The following WWOX variants were observed in gnomAD, a reference collection of about 807,000 sequenced individuals.
The protein encoded by WWOX is WW domain containing oxidoreductase, also known as WW domain-containing oxidoreductase.
A neutral mutation model predicts 46.2 loss-of-function variants in WWOX; 69 were observed. The ratio of observed to expected loss-of-function variants is 1.49; its 90% CI spans 1.23 to 1.82. WWOX has a LOEUF of 1.82. WWOX is among the 40% of genes most tolerant of loss of function. The probability of loss-of-function intolerance (pLI) is 0.00; values close to 1 mark genes in which losing one functional copy is unlikely to be tolerated. For missense variants in WWOX, 919 were observed against 542.6 expected, an observed-to-expected ratio of 1.69 and a Z score of -6.89; for synonymous variants, 359 against 202.6, an observed-to-expected ratio of 1.77 and a Z score of -6.56.
intron 8 of WWOX, among the ~76,000 whole-genome samples, chr16:78,557,595 C>T (rs1335080111): frequency 2.6e-5 from 4 of 151,920 alleles, no homozygotes; most frequent in African/African-American, 4.8e-5. Flanking sequence ...AGAGGATGAC[C>T]CTCTATCACA....
At chr16:79,058,234 T>C (rs1192918479) in intron 8 of WWOX, among the ~76,000 whole-genome samples, 1 of 152,068 alleles carries the variant, frequency 6.6e-6, no homozygotes, top group East Asian at 1.9e-4. Context: ...CCAAGATGTG[T>C]GATGGTGGGC....
chr16:79,075,579 G>A (rs567045870), intron 8 of WWOX, among the ~76,000 whole-genome samples: 35 of 150,378 alleles, frequency 2.3e-4, no homozygotes, highest in Non-Finnish European at 4.0e-4. Flanking sequence ...TTTAGACGGA[G>A]TCTTGCTCTG....
intron 8 of WWOX, among the ~76,000 whole-genome samples, chr16:78,509,312 C>G (rs1031696085): frequency 1.3e-5 from 2 of 152,122 alleles, no homozygotes; most frequent in African/African-American, 4.8e-5. Flanking sequence ...TGATGGCCAG[C>G]ACCTGTAGTC....
chr16:78,356,700 G>C (rs576618460), intron 5 of WWOX, among the ~76,000 whole-genome samples: 50 of 152,264 alleles, frequency 3.3e-4, no homozygotes, highest in African/African-American at 1.2e-3. Context: ...GGCCAGCATG[G>C]TGAAACCCCG....
At chr16:78,597,446 C>A (rs2045517850) in intron 8 of WWOX, among the ~76,000 whole-genome samples, 1 of 152,116 alleles carries the variant, frequency 6.6e-6, no homozygotes, top group African/African-American at 2.4e-5. Context: ...TTATGTTGCA[C>A]CATTTTCTGA....
At chr16:78,894,404 G>A (rs1361813193) in intron 8 of WWOX, among the ~76,000 whole-genome samples, 1 of 152,164 alleles carries the variant, frequency 6.6e-6, no homozygotes, top group Non-Finnish European at 1.5e-5. Flanking sequence ...GTAATGTTCA[G>A]TGATGCTTAA....
At chr16:78,816,918 G>A (rs2051345096) in intron 8 of WWOX, among the ~76,000 whole-genome samples, 1 of 152,128 alleles carries the variant, frequency 6.6e-6, no homozygotes, top group African/African-American at 2.4e-5. Flanking sequence ...AGATTCCATT[G>A]CAAGTCCCAG....
intron 8 of WWOX, among the ~76,000 whole-genome samples, chr16:78,616,710 G>T (rs1342921717): frequency 6.6e-6 from 1 of 152,036 alleles, no homozygotes; most frequent in Admixed American, 6.5e-5. Flanking sequence ...TGGTTGCAGT[G>T]AGCTGAGATG....
At chr16:79,172,535 T>C (rs1023727018) in intron 8 of WWOX, among the ~76,000 whole-genome samples, 1 of 152,142 alleles carries the variant, frequency 6.6e-6, no homozygotes, top group African/African-American at 2.4e-5. Flanking sequence ...ACTGAGTGGC[T>C]GCATGAATTG....
intron 8 of WWOX, among the ~76,000 whole-genome samples, chr16:78,435,825 G>A (rs1270368172): frequency 6.6e-6 from 1 of 152,126 alleles, no homozygotes; most frequent in Non-Finnish European, 1.5e-5. Context: ...TCATTACGAT[G>A]AAAATTGTGA....
At chr16:78,798,293 T>G (rs1290628937) in intron 8 of WWOX, among the ~76,000 whole-genome samples, 2 of 152,100 alleles carry the variant, frequency 1.3e-5, no homozygotes, top group African/African-American at 4.8e-5. Flanking sequence ...CAGGCTCAGA[T>G]TGACGCTTTT....
intron 8 of WWOX, among the ~76,000 whole-genome samples, chr16:78,587,142 C>A (rs1274649786): frequency 1.3e-5 from 2 of 151,096 alleles, no homozygotes; most frequent in Non-Finnish European, 2.9e-5. Context: ...CCTCTTACCT[C>A]AGCCTCTTGA....
chr16:78,286,891 T>A (rs1344764468), intron 5 of WWOX, among the ~76,000 whole-genome samples: 5 of 152,198 alleles, frequency 3.3e-5, no homozygotes. Context: ...TCCTTTATTT[T>A]AAAAAAATGT....
chr16:78,519,195 T>G (rs980434761), intron 8 of WWOX, among the ~76,000 whole-genome samples: 5 of 152,160 alleles, frequency 3.3e-5, no homozygotes, highest in Non-Finnish European at 7.3e-5. Flanking sequence ...AGGCTCTTGA[T>G]GTTACCTGCC....
At chr16:78,674,058 G>C (rs1490794515) in intron 8 of WWOX, among the ~76,000 whole-genome samples, 1 of 152,180 alleles carries the variant, frequency 6.6e-6, no homozygotes, top group South Asian at 2.1e-4. Context: ...GATGGGAACC[G>C]ACTCAAAGAG....
At chr16:78,655,985 A>G (rs1052166620) in intron 8 of WWOX, among the ~76,000 whole-genome samples, 3 of 152,130 alleles carry the variant, frequency 2.0e-5, no homozygotes, top group African/African-American at 7.2e-5. Flanking sequence ...GCCAGGGGGA[A>G]AAAAAGAGAA....
chr16:78,230,967 A>G (rs890078175), intron 5 of WWOX, among the ~76,000 whole-genome samples: 1 of 152,216 alleles, frequency 6.6e-6, no homozygotes, highest in Non-Finnish European at 1.5e-5. Context: ...TTTAACAGGT[A>G]TCTTTATCCC....
chr16:78,510,323 C>T (rs772225027), intron 8 of WWOX, among the ~76,000 whole-genome samples: 2 of 152,076 alleles, frequency 1.3e-5, no homozygotes, highest in Admixed American at 6.6e-5. Flanking sequence ...CTCCTGCCTC[C>T]GCTTCCCAAG....
intron 8 of WWOX, among the ~76,000 whole-genome samples, chr16:78,564,292 G>A (rs567876819): frequency 3.9e-5 from 6 of 152,248 alleles, no homozygotes; most frequent in African/African-American, 7.2e-5. Context: ...TTGTAAAGAA[G>A]TAAAATGTGT....
Sources: gnomAD v4.1 joint callset for allele counts (sites outside exome capture counted in the v4.1 genomes callset) on GRCh38, gnomAD v4.1.1 for gene constraint, MANE v1.5 for transcripts, NCBI Gene and HGNC (gene_info 2026-07-23, HGNC 2026-07-21) for gene names.